The following GTF2IRD1 variants were observed in gnomAD, a reference collection of about 807,000 sequenced individuals.
GTF2IRD1 encodes the protein GTF2I repeat domain containing 1, also known as general transcription factor II-I repeat domain-containing protein 1.
Under a neutral mutation model 113.2 loss-of-function variants are expected in GTF2IRD1, and 26 were observed. That is an observed-to-expected ratio of 0.23 (90% CI 0.17 to 0.32). GTF2IRD1 has a LOEUF of 0.32. Ranked by LOEUF, GTF2IRD1 falls within the 10% of genes least tolerant of loss-of-function variation. The probability of loss-of-function intolerance (pLI) is 1.00; values close to 1 mark genes in which losing one functional copy is unlikely to be tolerated. For missense variants in GTF2IRD1, 864 were observed against 1,280.8 expected, an observed-to-expected ratio of 0.67 and a Z score of 4.97; for synonymous variants, 484 against 529.1, an observed-to-expected ratio of 0.91 and a Z score of 1.17.
chr7:74,471,672 TAAAAAAA>T (rs66929736), intron 1 of GTF2IRD1, among the ~76,000 whole-genome samples: 1 of 104,682 alleles, frequency 9.6e-6, no homozygotes, highest in Non-Finnish European at 1.8e-5. Context: ...TTGAAATATT[TAAAAAAA>T]AAAAAAAAAA....
At chr7:74,494,981 C>G (rs1795573475) in intron 1 of GTF2IRD1, among the ~76,000 whole-genome samples, 1 of 152,202 alleles carries the variant, frequency 6.6e-6, no homozygotes, top group South Asian at 2.1e-4. Flanking sequence ...TCTTGAACTC[C>G]TGGCCTCAAG....
intron 22 of GTF2IRD1, among the ~76,000 whole-genome samples, chr7:74,565,260 C>T (rs587720501): frequency 6.6e-6 from 1 of 152,336 alleles, no homozygotes; most frequent in Admixed American, 6.5e-5. Flanking sequence ...CGCGGTGGCT[C>T]ATGCCTGTAA....
chr7:74,581,066 C>G (rs782461412), intron 22 of GTF2IRD1, among the ~76,000 whole-genome samples: 8 of 152,108 alleles, frequency 5.3e-5, no homozygotes, highest in Non-Finnish European at 1.0e-4. Flanking sequence ...GTTGCCCAGG[C>G]TGGAGTGCAG....
chr7:74,577,904 C>T lies in GTF2IRD1; in HGVS notation c.2321-11947C>T, dbSNP rs1373496004. ...CTCACTGTAACCTCCAACTCCTGGG[C>T]TCAAACAATCCTCCCGCATCAGCCT... On this transcript the variant is annotated intron_variant, in intron 22 of 26. Transcript: ENST00000424337. 3.9e-5 allele frequency among the ~76,000 whole-genome samples: 6 copies of T among 152,044 alleles called. No individual in the cohort carries two copies. In the East Asian group the frequency reaches 1.2e-3, roughly 29 times the overall value.
At chr7:74,593,675 G>A (rs1423014484) in intron 24 of GTF2IRD1, among the ~76,000 whole-genome samples, 2 of 149,504 alleles carry the variant, frequency 1.3e-5, no homozygotes, top group African/African-American at 4.9e-5. Flanking sequence ...GGAGCTTGCA[G>A]TGAGCCAAGA....
chr7:74,502,860 G>A (rs1796100779), intron 1 of GTF2IRD1, among the ~76,000 whole-genome samples: 1 of 152,138 alleles, frequency 6.6e-6, no homozygotes, highest in Non-Finnish European at 1.5e-5. Context: ...AGAGTCCCCT[G>A]TGAACTTAAA....
chr7:74,479,364 C>G (rs1300102479), intron 1 of GTF2IRD1, among the ~76,000 whole-genome samples: 1 of 151,684 alleles, frequency 6.6e-6, no homozygotes, highest in African/African-American at 2.4e-5. Flanking sequence ...CCACCCACTC[C>G]CACAGCCTCT....
chr7:74,585,882 T>C (rs1801688384), intron 22 of GTF2IRD1, among the ~76,000 whole-genome samples: 1 of 147,876 alleles, frequency 6.8e-6, no homozygotes, highest in African/African-American at 2.5e-5. Flanking sequence ...GCAAGACTCT[T>C]CCAAAAAAAA....
intron 1 of GTF2IRD1, among the ~76,000 whole-genome samples, chr7:74,500,432 A>G (rs1016492718): frequency 1.6e-4 from 25 of 152,068 alleles, no homozygotes; most frequent in South Asian, 2.1e-4. Context: ...TTAAAAAAAA[A>G]AAAAAAGAAA....
rs374304676 is a variant in GTF2IRD1, at chr7:74,547,306, A to T, written c.1916+20A>T. The T allele has an allele frequency of 6.9e-6, 11 of 1,583,462 alleles. No homozygotes were observed. In the African/African-American group the frequency reaches 1.2e-4, roughly 17 times the overall value. ...CAAGAGGTAAGGCCCAACCAGGTCCATGGGAGACAGCACCGGCCCTGCTCA... is the reference window on the plus strand; with the variant it reads ...CAAGAGGTAAGGCCCAACCAGGTCCTTGGGAGACAGCACCGGCCCTGCTCA... On this transcript the variant is annotated intron_variant, in intron 17 of 26. Transcript: ENST00000424337.
chr7:74,578,311 G>A (rs1157367208), intron 22 of GTF2IRD1, among the ~76,000 whole-genome samples: 2 of 151,810 alleles, frequency 1.3e-5, no homozygotes, highest in South Asian at 2.1e-4. Context: ...TCAGCCTTCC[G>A]AGTAGCTGGG....
Position 74,547,110 on chromosome 7 carries a change from C to T in GTF2IRD1, c.1740C>T (p.Ala580=), listed in dbSNP as rs1433066563. The change falls in exon 17 of 27, where the codon GCC becomes GCT. Residue 580 remains alanine, a synonymous_variant. Transcript: ENST00000424337. ...GCAGCCATGTCTCTGCAGCCAAGGCCATTGGCATCTCGGAGCCCGTCAAGG... is the reference window on the plus strand; with the variant it reads ...GCAGCCATGTCTCTGCAGCCAAGGCTATTGGCATCTCGGAGCCCGTCAAGG... The part of the protein sequence containing the change: ...ELLFNTRYAK[A]IGISEPVKVP... 10 of 1,612,176 alleles carry T rather than the reference C, an allele frequency of 6.2e-6. No individual in the cohort carries two copies. Among genetic ancestry groups the T allele is most frequent in the East Asian group, 2.2e-5 (1 of 44,872 alleles).
chr7:74,599,311 G>A (rs1223102730), intron 25 of GTF2IRD1, among the ~76,000 whole-genome samples: 4 of 152,144 alleles, frequency 2.6e-5, no homozygotes, highest in Admixed American at 6.6e-5. Flanking sequence ...TGGGCTGGGC[G>A]AGGTTTCCAT....
chr7:74,539,547 C>T (rs1412654552), intron 13 of GTF2IRD1, among the ~76,000 whole-genome samples: 3 of 152,146 alleles, frequency 2.0e-5, no homozygotes, highest in Admixed American at 1.3e-4. Flanking sequence ...AGTTAGAGAC[C>T]AGCCTGGCCA....
At chr7:74,523,790 T>C (rs1554346539) in intron 7 of GTF2IRD1, among the ~76,000 whole-genome samples, 1 of 151,994 alleles carries the variant, frequency 6.6e-6, no homozygotes, top group Non-Finnish European at 1.5e-5. Context: ...GCCTCCTGTA[T>C]GTCTGGGGCA....
chr7:74,528,863 A>G (rs587594171), intron 8 of GTF2IRD1, among the ~76,000 whole-genome samples: 2 of 143,956 alleles, frequency 1.4e-5, no homozygotes, highest in Non-Finnish European at 3.0e-5. Context: ...GGATGGATGA[A>G]TGGGCAGATG....
chr7:74,483,901 T>A (rs1203089301), intron 1 of GTF2IRD1, among the ~76,000 whole-genome samples: 2 of 151,968 alleles, frequency 1.3e-5, no homozygotes, highest in African/African-American at 4.8e-5. Flanking sequence ...CATTTCTAAG[T>A]GGAGCAAAAA....
rs1265889596 is a variant in GTF2IRD1, at chr7:74,555,628, G to T, written c.2023+134G>T. The T allele has an allele frequency of 1.6e-5, 10 of 641,358 alleles. No individual in the cohort carries two copies. Among genetic ancestry groups the T allele is most frequent in the Admixed American group, 2.4e-5 (1 of 41,388 alleles). The allele number at this position is 641,358 out of a possible 1,614,324, so 39.7% of individuals were successfully genotyped here. Reference sequence around the variant, plus strand: ...GGGCCTAAGGGACCAGGCAAGCCAGGTTGGCAGCCCAGGCCCGGCTGTACC... The same window carrying T: ...GGGCCTAAGGGACCAGGCAAGCCAGTTTGGCAGCCCAGGCCCGGCTGTACC... On this transcript the variant is annotated intron_variant, in intron 19 of 26. Transcript: ENST00000424337. The surrounding 1 kb of genome is among the most constrained non-coding windows in gnomAD (Gnocchi z 5.3).
At position 74,555,553 on chromosome 7, in the gene GTF2IRD1, G is replaced by C. The variant is rs587688378; in HGVS notation, c.2023+59G>C. 9.0e-7 allele frequency: 1 copy of C among 1,107,232 alleles called. No homozygotes were observed. Among genetic ancestry groups the C allele is most frequent in the African/African-American group, 1.5e-5 (1 of 65,170 alleles). 68.6% of individuals were successfully genotyped at this position (1,107,232 alleles called of 1,614,324 possible). ...CAGCACCAGGACATTGACCTGGTTT[G>C]GGTTTGGAGGGCCAGGCTGGAAGTG... On this transcript the variant is annotated intron_variant, in intron 19 of 26. Coordinates refer to ENST00000424337, the MANE Select transcript of GTF2IRD1 (RefSeq NM_005685.4). The surrounding 1 kb of genome is among the most constrained non-coding windows in gnomAD (Gnocchi z 5.3).
Sources: allele counts gnomAD v4.1 joint callset (sites outside exome capture counted in the v4.1 genomes callset), GRCh38; gene constraint gnomAD v4.1.1; non-coding constraint Gnocchi (gnomAD v3.1); transcripts MANE v1.5; gene names NCBI Gene and HGNC (gene_info 2026-07-23, HGNC 2026-07-21).